The following ASIC2 variants were observed in gnomAD, a reference collection of about 807,000 sequenced individuals.
ASIC2 encodes acid sensing ion channel subunit 2, also known as acid-sensing ion channel 2.
In ASIC2, 25 loss-of-function variants were observed where a neutral mutation model predicts 57.3. The ratio of observed to expected loss-of-function variants is 0.44; its 90% CI spans 0.32 to 0.61. The LOEUF (loss-of-function observed/expected upper bound fraction) is 0.61, where lower values mean the gene tolerates loss of function less well. Among genes scored for constraint, ASIC2 ranks in the 20% least tolerant of loss-of-function variants. The probability of loss-of-function intolerance (pLI) is 0.06; values close to 1 mark genes in which losing one functional copy is unlikely to be tolerated. For missense variants in ASIC2, 641 were observed against 738.1 expected (o/e 0.87, Z 1.52); for synonymous variants, 319 against 307.5 (o/e 1.04, Z -0.39).
At chr17:33,556,922 C>T (rs1055722090) in intron 1 of ASIC2, among the ~76,000 whole-genome samples, 5 of 152,282 alleles carry the variant, frequency 3.3e-5, no homozygotes, top group Middle Eastern at 3.4e-3. Flanking sequence ...GTGAGAGGTG[C>T]CTTAAGTGTA....
At chr17:33,294,233 G>A (rs1329063571), upstream of ASIC2, among the ~76,000 whole-genome samples, 1 of 152,162 alleles carries the variant, frequency 6.6e-6, no homozygotes, top group Non-Finnish European at 1.5e-5. Context: ...ACATTATCCG[G>A]AGAGTAGAAT....
At chr17:33,854,814 T>C (rs1488990577) in intron 1 of ASIC2, among the ~76,000 whole-genome samples, 1 of 152,086 alleles carries the variant, frequency 6.6e-6, no homozygotes, top group African/African-American at 2.4e-5. Flanking sequence ...GGGATGAACT[T>C]TCCTTGTGGG....
intron 1 of ASIC2, among the ~76,000 whole-genome samples, chr17:33,563,759 G>A (rs373713843): frequency 1.3e-5 from 2 of 152,120 alleles, no homozygotes; most frequent in South Asian, 2.1e-4. Flanking sequence ...TTAATATGGC[G>A]AATCCAAGGC....
chr17:33,687,328 G>T (rs758813932), intron 1 of ASIC2, among the ~76,000 whole-genome samples: 30 of 152,270 alleles, frequency 2.0e-4, no homozygotes, highest in Admixed American at 3.3e-4. Flanking sequence ...TGGAAGTTGG[G>T]TTACCCCTTA....
intron 1 of ASIC2, among the ~76,000 whole-genome samples, chr17:33,791,204 G>T (rs571643589): frequency 6.6e-6 from 1 of 152,194 alleles, no homozygotes; most frequent in Non-Finnish European, 1.5e-5. Context: ...ACTCTGTGTG[G>T]AAGCCTTCTT....
rs557178425 is a variant in ASIC2 at position 34,083,045 on chromosome 17, A to C, written c.555+72933T>G. Reference sequence around the variant, plus strand: ...TATTTTTTTTTTATCATTATACTTTAAGTTTTAGGGTACATGTGCACAATG... The same window carrying C: ...TATTTTTTTTTTATCATTATACTTTCAGTTTTAGGGTACATGTGCACAATG... On this transcript the variant is annotated intron_variant, in intron 1 of 9. Transcript: ENST00000359872. 3.3e-5 allele frequency among the ~76,000 whole-genome samples: 5 copies of C among 150,928 alleles called. No individual in the cohort carries two copies. In the South Asian group the frequency reaches 1.1e-3, roughly 32 times the overall value.
intron 3 of ASIC2, among the ~76,000 whole-genome samples, chr17:33,074,514 C>T (rs990630479): frequency 3.3e-5 from 5 of 152,134 alleles, no homozygotes; most frequent in African/African-American, 1.2e-4. Context: ...ACGGCATCTG[C>T]CCAGGAGAAG....
At chr17:33,463,763 C>T (rs950970874) in intron 1 of ASIC2, among the ~76,000 whole-genome samples, 7 of 152,252 alleles carry the variant, frequency 4.6e-5, no homozygotes, top group South Asian at 4.1e-4. Context: ...GTCGATCTCT[C>T]TCTCCTCTGC....
At chr17:33,579,887 T>C (rs1404576961) in intron 1 of ASIC2, among the ~76,000 whole-genome samples, 1 of 140,406 alleles carries the variant, frequency 7.1e-6, no homozygotes. Context: ...TATTGGTCCA[T>C]TTTACAGAGA....
chr17:33,830,521 C>G (rs996249758), intron 1 of ASIC2, among the ~76,000 whole-genome samples: 1 of 147,822 alleles, frequency 6.8e-6, no homozygotes, highest in Non-Finnish European at 1.5e-5. Flanking sequence ...GCGTCTCCCT[C>G]TAGGTGTTTT....
intron 1 of ASIC2, among the ~76,000 whole-genome samples, chr17:33,719,847 A>G (rs1480728614): frequency 1.3e-5 from 2 of 152,182 alleles, no homozygotes; most frequent in African/African-American, 4.8e-5. Context: ...GCACAGCGAG[A>G]ATGAATGTGT....
intron 1 of ASIC2, among the ~76,000 whole-genome samples, chr17:33,579,409 G>A (rs938340570): frequency 3.9e-5 from 6 of 152,126 alleles, no homozygotes; most frequent in Admixed American, 6.5e-5. Flanking sequence ...TGGAGGGGAA[G>A]GTAGAAAACA....
At chr17:33,958,457 A>G (rs62057444) in intron 1 of ASIC2, among the ~76,000 whole-genome samples, 22,369 of 142,204 alleles carry the variant, frequency 0.16, 2,134 homozygotes, top group East Asian at 0.33. Flanking sequence ...GAGGTTCCCA[A>G]ATCTCAATTC....
intron 1 of ASIC2, among the ~76,000 whole-genome samples, chr17:33,145,008 C>A (rs764836325): frequency 6.6e-6 from 1 of 152,198 alleles, no homozygotes; most frequent in Non-Finnish European, 1.5e-5. Flanking sequence ...GCAGGTGCCA[C>A]GTGAGTGCTT....
intron 1 of ASIC2, among the ~76,000 whole-genome samples, chr17:33,539,316 T>C (rs1001879804): frequency 2.6e-4 from 40 of 152,340 alleles, no homozygotes; most frequent in Admixed American, 4.6e-4. Flanking sequence ...TTCCCTGGTG[T>C]CAATCAAGGC....
chr17:33,973,491 T>C (rs1905280436), intron 1 of ASIC2, among the ~76,000 whole-genome samples: 1 of 152,212 alleles, frequency 6.6e-6, no homozygotes. Context: ...AGTGCTTTTC[T>C]CACTGCCCAG....
chr17:34,004,357 A>G (rs537023561), intron 1 of ASIC2: 1 of 152,356 alleles, frequency 6.6e-6, no homozygotes, highest in African/African-American at 2.4e-5. Flanking sequence ...TCACTCAGTG[A>G]AGAGCCAAAC....
At chr17:33,220,222 G>A (rs967145007) in intron 1 of ASIC2, among the ~76,000 whole-genome samples, 3 of 152,184 alleles carry the variant, frequency 2.0e-5, no homozygotes, top group Non-Finnish European at 4.4e-5. Context: ...TGCCTCCAGG[G>A]ATAGGGAGTT....
chr17:33,319,260 C>A (rs576573638), intron 1 of ASIC2, among the ~76,000 whole-genome samples: 6 of 152,184 alleles, frequency 3.9e-5, no homozygotes, highest in Non-Finnish European at 8.8e-5. Context: ...ACTAGACTTT[C>A]ATGCATCCAT....
Sources: gnomAD v4.1 joint callset for allele counts (sites outside exome capture counted in the v4.1 genomes callset) on GRCh38, gnomAD v4.1.1 for gene constraint, MANE v1.5 for transcripts, NCBI Gene and HGNC (gene_info 2026-07-23, HGNC 2026-07-21) for gene names.